RUFY1: variants seen among roughly 807,000 people sequenced by gnomAD.
The protein encoded by RUFY1 is RUN and FYVE domain containing 1, also known as RUN and FYVE domain-containing protein 1.
A neutral mutation model predicts 94.6 loss-of-function variants in RUFY1; 54 were observed. That is an observed-to-expected ratio of 0.57 (90% CI 0.46 to 0.72). The LOEUF (loss-of-function observed/expected upper bound fraction) is 0.72, where lower values mean the gene tolerates loss of function less well. Among genes scored for constraint, RUFY1 ranks in the 30% least tolerant of loss-of-function variants. The probability of loss-of-function intolerance (pLI) is 0.00; values close to 1 mark genes in which losing one functional copy is unlikely to be tolerated. For missense variants in RUFY1, 883 were observed against 883.9 expected (o/e 1.00, Z 0.01); for synonymous variants, 396 against 347.3 (o/e 1.14, Z -1.56).
intron 1 of RUFY1, among the ~76,000 whole-genome samples, chr5:179,554,364 CCG>C (rs1379532944): frequency 6.6e-6 from 1 of 151,804 alleles, no homozygotes; most frequent in African/African-American, 2.4e-5. Flanking sequence ...TGGAGAAACC[CCG>C]TCTCTACTAA....
chr5:179,591,669 A>C lies in RUFY1; in HGVS notation c.1173A>C (p.Gln391His). The C allele has an allele frequency of 6.2e-7, 1 of 1,613,506 alleles. No homozygotes were observed. Among genetic ancestry groups the C allele is most frequent in the East Asian group, 2.2e-5 (1 of 44,862 alleles). The part of the protein sequence containing the change: ...DTKVELETYK[Q>H]TRQGLDEMYS... ...AAGTTGAGCTGGAGACTTACAAGCAAACTCGGCAAGGTCTGGATGAAATGT... is the reference window on the plus strand; with the variant it reads ...AAGTTGAGCTGGAGACTTACAAGCACACTCGGCAAGGTCTGGATGAAATGT... Residue 391 changes from glutamine (Q) to histidine (H), a missense_variant, in exon 10 of 18, where the codon CAA becomes CAC. By Grantham distance (24) the Gln-to-His change is conservative. Coordinates refer to ENST00000319449, the MANE Select transcript of RUFY1 (RefSeq NM_025158.5).
chr5:179,577,915 G>C (rs948082107), intron 6 of RUFY1, among the ~76,000 whole-genome samples: 15 of 149,142 alleles, frequency 1.0e-4, no homozygotes, highest in Non-Finnish European at 1.8e-4. Context: ...TTTTTGCTTT[G>C]AGATTTTCTG....
chr5:179,567,678 T>C, intron 4 of RUFY1, 116 bp downstream of exon 4: 1 of 661,024 alleles, frequency 1.5e-6, no homozygotes, highest in East Asian at 3.0e-5. Context: ...ATCAGGTGGA[T>C]TGCTTGAGGT....
rs1763048909 is a variant in RUFY1, at chr5:179,569,287, G to A, written c.705-15G>A. On this transcript the variant is annotated splice_polypyrimidine_tract_variant and intron_variant, in intron 4 of 17. Coordinates refer to ENST00000319449, the MANE Select transcript of RUFY1 (RefSeq NM_025158.5). ...CTGTTTCTGAGCATCGCCCTGTCCT[G>A]TCCATCTCTTTCAGCGAGTTCTATG... 6.2e-7 allele frequency: 1 copy of A among 1,613,844 alleles called. No homozygotes were observed.
Position 179,595,599 on chromosome 5 carries a change from T to C in RUFY1, c.1511+636T>C, listed in dbSNP as rs373345587. ...AGAGTTTCGCTCTCATTGCCCAGGC[T>C]AGAGTGCAATGGTGCGATCTCAGCT... is the stretch of plus-strand genomic sequence containing the variant. On this transcript the variant is annotated intron_variant, in intron 12 of 17. Transcript: ENST00000319449. 3.8e-4 allele frequency among the ~76,000 whole-genome samples: 58 copies of C among 151,640 alleles called. 1 individual carries two copies. In the South Asian group the frequency reaches 7.1e-3, roughly 19 times the overall value.
chr5:179,596,898 A>G, intron 13 of RUFY1: 1 of 531,196 alleles, frequency 1.9e-6, no homozygotes. Context: ...TCGCCTCCAG[A>G]AGATCTGGCC....
intron 6 of RUFY1, among the ~76,000 whole-genome samples, chr5:179,577,965 T>G (rs528216040): frequency 2.0e-4 from 31 of 152,260 alleles, no homozygotes; most frequent in South Asian, 6.2e-4. Flanking sequence ...CAGTGCATTA[T>G]TCTCATTGTT....
intron 15 of RUFY1, among the ~76,000 whole-genome samples, chr5:179,603,104 C>A (rs1248734205): frequency 3.3e-5 from 5 of 152,078 alleles, no homozygotes; most frequent in Non-Finnish European, 7.4e-5. Flanking sequence ...CCCGTCTCTA[C>A]TAAAAATACA....
chr5:179,591,486 G>A, intron 9 of RUFY1, 139 bp from the exon 10 acceptor site: 2 of 646,412 alleles, frequency 3.1e-6, no homozygotes, highest in Non-Finnish European at 5.3e-6. Context: ...GCCCAGCCAA[G>A]TTTTAACCTT....
At chr5:179,585,929 T>TAGTCG in intron 8 of RUFY1, 64 bp downstream of exon 8, 1 of 1,332,250 alleles carries the variant, frequency 7.5e-7, no homozygotes, top group Non-Finnish European at 1.1e-6. Flanking sequence ...AGAATCTGTG[T>TAGTCG]AGTCGGTCTG....
rs1762553287 is a variant in RUFY1 at position 179,562,871 on chromosome 5, A to G, written c.602+207A>G. The G allele has an allele frequency of 8.3e-6, 4 of 484,574 alleles. No homozygotes were observed. The Admixed American group carries it at 1.5e-4, about 18-fold the overall frequency. 30.0% of individuals were successfully genotyped at this position (484,574 alleles called of 1,614,324 possible). A position where few individuals can be genotyped will look rare whatever the true frequency, so the allele number is the denominator to read the frequency against. On this transcript the variant is annotated intron_variant, in intron 3 of 17. Coordinates refer to ENST00000319449, the MANE Select transcript of RUFY1 (RefSeq NM_025158.5). The stretch of plus-strand genomic sequence containing the variant: ...GGACAGTGATTCCTGCTTGCCACAC[A>G]GGCCAAATAGGTTGAAAAGGTGTTG...
chr5:179,600,138 A>G (rs1263248156), intron 14 of RUFY1: 2 of 152,244 alleles, frequency 1.3e-5, no homozygotes, highest in African/African-American at 4.8e-5. Context: ...AGCCCGCCCC[A>G]ACAATAGGAA....
At chr5:179,579,789 G>C (rs1051842067) in intron 6 of RUFY1, among the ~76,000 whole-genome samples, 1 of 149,116 alleles carries the variant, frequency 6.7e-6, no homozygotes, top group Admixed American at 6.8e-5. Flanking sequence ...CAGCCTCCCT[G>C]AGTCGCTGGG....
chr5:179,562,153 C>T (rs1362170480), intron 2 of RUFY1, among the ~76,000 whole-genome samples: 1 of 151,950 alleles, frequency 6.6e-6, no homozygotes, highest in African/African-American at 2.4e-5. Flanking sequence ...GTGGCTCACG[C>T]CTGTTATCCC....
chr5:179,559,015 C>G (rs1037172925), intron 1 of RUFY1, among the ~76,000 whole-genome samples: 2 of 152,152 alleles, frequency 1.3e-5, no homozygotes, highest in African/African-American at 4.8e-5. Context: ...GTTATTTAAC[C>G]TCAGTAGTAA....
intron 5 of RUFY1, among the ~76,000 whole-genome samples, chr5:179,574,880 A>G (rs904641014): frequency 6.6e-6 from 1 of 151,776 alleles, no homozygotes; most frequent in Non-Finnish European, 1.5e-5. Flanking sequence ...TTTGGGTATT[A>G]ATTCTTTCTC....
chr5:179,560,879 A>G (rs1057183961), intron 2 of RUFY1, among the ~76,000 whole-genome samples: 2 of 152,116 alleles, frequency 1.3e-5, no homozygotes, highest in African/African-American at 4.8e-5. Flanking sequence ...TGGAACCCGT[A>G]TATCCAAAAT....
chr5:179,580,295 T>G (rs373730630), intron 6 of RUFY1, among the ~76,000 whole-genome samples: 4 of 147,370 alleles, frequency 2.7e-5, no homozygotes, highest in Non-Finnish European at 6.0e-5. Flanking sequence ...CAGGCTGGAG[T>G]GCAGTGGCGC....
chr5:179,596,424 G>T, intron 12 of RUFY1, 138 bp from the exon 13 acceptor site: 1 of 1,092,028 alleles, frequency 9.2e-7, no homozygotes. Context: ...TTGTGGTGGA[G>T]CTGAATCTCC....
Sources: gnomAD v4.1 joint callset for allele counts (sites outside exome capture counted in the v4.1 genomes callset) on GRCh38, gnomAD v4.1.1 for gene constraint, MANE v1.5 for transcripts, NCBI Gene and HGNC (gene_info 2026-07-23, HGNC 2026-07-21) for gene names.